VCPIP1: variants seen among roughly 807,000 people sequenced by gnomAD.
VCPIP1 encodes deubiquitinating protein VCPIP1.
In VCPIP1, 8 loss-of-function variants were observed where a neutral mutation model predicts 85.0. That is an observed-to-expected ratio of 0.09 (90% CI 0.06 to 0.17). The LOEUF (loss-of-function observed/expected upper bound fraction) is 0.17, where lower values mean the gene tolerates loss of function less well. VCPIP1 is among the 10% of genes least tolerant of loss of function. The probability of loss-of-function intolerance (pLI) is 1.00; values close to 1 mark genes in which losing one functional copy is unlikely to be tolerated. For missense variants in VCPIP1, 1,070 were observed against 1,486.3 expected (o/e 0.72, Z 4.61); for synonymous variants, 543 against 544.5 (o/e 1.00, Z 0.04).
intron 2 of VCPIP1, among the ~76,000 whole-genome samples, chr8:66,642,172 T>G (rs1810954514): frequency 6.6e-6 from 1 of 152,222 alleles, no homozygotes; most frequent in Non-Finnish European, 1.5e-5. Flanking sequence ...TTCTTTTGAT[T>G]TGCATTCCCC....
chr8:66,630,099 A>G lies in VCPIP1; in HGVS notation c.*4402T>C, dbSNP rs1404230614. Reference sequence around the variant, plus strand: ...TTCAGGGGAAAATCAGTATTAACTTATAGTTTTATTATTGATATAAAAGAA... The same window carrying G: ...TTCAGGGGAAAATCAGTATTAACTTGTAGTTTTATTATTGATATAAAAGAA... On this transcript the variant is annotated 3_prime_UTR_variant, in exon 3 of 3. Coordinates refer to ENST00000310421, the MANE Select transcript of VCPIP1 (RefSeq NM_025054.5). 6.6e-6 allele frequency: 1 copy of G among 152,200 alleles called. No individual in the cohort carries two copies. Among genetic ancestry groups the G allele is most frequent in the Non-Finnish European group, 1.5e-5 (1 of 68,030 alleles). 9.4% of individuals were successfully genotyped at this position (152,200 alleles called of 1,614,324 possible).
Position 66,666,511 on chromosome 8 carries a change from G to C in VCPIP1, c.448C>G (p.Arg150Gly). ...DKQTGRAKLL[R>G]DMNQGELFDC... Reference sequence around the variant, plus strand: ...AACAGTTCGCCCTGGTTCATGTCCCGGAGAAGCTTGGCCCGGCCTGTCTGT... The same window carrying C: ...AACAGTTCGCCCTGGTTCATGTCCCCGAGAAGCTTGGCCCGGCCTGTCTGT... Residue 150 changes from arginine (R) to glycine (G), a missense_variant, in exon 1 of 3, where the codon CGG becomes GGG. Arg to Gly is a moderately radical substitution (Grantham distance 125, BLOSUM62 -2). Around this residue, in one of 8 missense-constraint regions of VCPIP1, gnomAD observed 118 missense variants for 337.1 expected, o/e 0.35. Transcript: ENST00000310421. This position sits in a 1 kb window ranked among gnomAD's most constrained non-coding sequence, Gnocchi z 6.3. The C allele has an allele frequency of 6.2e-7, 1 of 1,614,180 alleles. No homozygotes were observed. The highest frequency in any genetic ancestry group is 8.5e-7 in the Non-Finnish European group (1 of 1,180,036).
intron 2 of VCPIP1, among the ~76,000 whole-genome samples, chr8:66,636,455 G>A (rs1210012780): frequency 6.6e-6 from 1 of 151,782 alleles, no homozygotes; most frequent in Non-Finnish European, 1.5e-5. Context: ...TTAAAATTTA[G>A]ATAAATAGGC....
chr8:66,644,766 T>C (rs985560998), intron 2 of VCPIP1, among the ~76,000 whole-genome samples: 5 of 149,500 alleles, frequency 3.3e-5, no homozygotes, highest in Non-Finnish European at 1.5e-5. Flanking sequence ...AGGTCACACA[T>C]GGGGTACAAG....
In VCPIP1 at chr8:66,629,586, G is replaced by A. The variant is rs2956249; in HGVS notation, c.*4915C>T. 6.6e-6 allele frequency: 1 copy of A among 152,174 alleles called. No individual in the cohort carries two copies. The highest frequency in any genetic ancestry group is 1.5e-5 in the Non-Finnish European group (1 of 68,050). 9.4% of individuals were successfully genotyped at this position (152,174 alleles called of 1,614,324 possible). A position where few individuals can be genotyped will look rare whatever the true frequency, so the allele number is the denominator to read the frequency against. The stretch of plus-strand genomic sequence containing the variant: ...TTGCTGGCAGGGTGCGGTGGCTCAC[G>A]CCTGTAATCCCAGCACTTAAAGAGG... On this transcript the variant is annotated 3_prime_UTR_variant, in exon 3 of 3. Coordinates refer to ENST00000310421, the MANE Select transcript of VCPIP1 (RefSeq NM_025054.5).
chr8:66,655,948 T>A (rs1444855399), intron 1 of VCPIP1, among the ~76,000 whole-genome samples: 1 of 152,146 alleles, frequency 6.6e-6, no homozygotes, highest in Non-Finnish European at 1.5e-5. Context: ...TCCCCCCTCA[T>A]AACCTTCAAT....
At chr8:66,642,371 C>T (rs975039605) in intron 2 of VCPIP1, among the ~76,000 whole-genome samples, 1 of 152,160 alleles carries the variant, frequency 6.6e-6, no homozygotes, top group African/African-American at 2.4e-5. Context: ...AATTTTCTCC[C>T]ATTCTGTGGT....
intron 2 of VCPIP1, among the ~76,000 whole-genome samples, chr8:66,651,185 CAA>C (rs896750189): frequency 0.028 from 1,444 of 51,110 alleles, 13 homozygotes; most frequent in Non-Finnish European, 0.05. Context: ...AATTCCATCT[CAA>C]AAAAAAAAAA....
intron 1 of VCPIP1, among the ~76,000 whole-genome samples, chr8:66,654,082 A>G (rs1811077277): frequency 1.3e-5 from 2 of 152,254 alleles, no homozygotes; most frequent in Admixed American, 1.3e-4. Context: ...GAGAGCTTAA[A>G]TAACTCTTCC....
chr8:66,659,956 T>C (rs1329813623), intron 1 of VCPIP1, among the ~76,000 whole-genome samples: 2 of 152,168 alleles, frequency 1.3e-5, no homozygotes, highest in Non-Finnish European at 2.9e-5. Flanking sequence ...TCCCCATGTA[T>C]ATATTTGATT....
At chr8:66,645,759 C>CAA (rs1179669993) in intron 2 of VCPIP1, among the ~76,000 whole-genome samples, 705 of 57,394 alleles carry the variant, frequency 0.012, 23 homozygotes, top group African/African-American at 0.022. Flanking sequence ...CCTGTCTCTA[C>CAA]AAAAAAAAAA....
intron 1 of VCPIP1, among the ~76,000 whole-genome samples, chr8:66,659,366 G>A (rs989457497): frequency 1.3e-5 from 2 of 151,998 alleles, no homozygotes; most frequent in Non-Finnish European, 2.9e-5. Flanking sequence ...GAAGATGACT[G>A]TCTGCAAAAA....
intron 2 of VCPIP1, among the ~76,000 whole-genome samples, chr8:66,651,141 C>T (rs1397549287): frequency 6.8e-6 from 1 of 148,132 alleles, no homozygotes; most frequent in Non-Finnish European, 1.5e-5. Context: ...GCCGAGATCG[C>T]GCCATTGCAC....
intron 1 of VCPIP1, among the ~76,000 whole-genome samples, chr8:66,651,916 A>G (rs1487479671): frequency 6.6e-6 from 1 of 151,842 alleles, no homozygotes; most frequent in Admixed American, 6.6e-5. Flanking sequence ...ATGGTGGCTC[A>G]TGCCTGTAAC....
At position 66,656,217 on chromosome 8, in the gene VCPIP1, T is replaced by C. The variant is rs560479544; in HGVS notation, c.2711-4673A>G. ...TTAGGTATTTATTTATTTTTTGAGA[T>C]AGGGTCTCGCTCTGTCACCCAGGCT... On this transcript the variant is annotated intron_variant, in intron 1 of 2. Coordinates refer to ENST00000310421, the MANE Select transcript of VCPIP1 (RefSeq NM_025054.5). Among the ~76,000 whole-genome samples the C allele has an allele frequency of 2.0e-5, 3 of 152,274 alleles. No individual in the cohort carries two copies. In the East Asian group the frequency reaches 5.8e-4, roughly 29 times the overall value.
chr8:66,650,457 G>GA (rs1389952787), intron 2 of VCPIP1, among the ~76,000 whole-genome samples: 1 of 152,000 alleles, frequency 6.6e-6, no homozygotes, highest in Non-Finnish European at 1.5e-5. Context: ...TAAAATCTTT[G>GA]AAAAAAATGT....
rs535363621 is a variant in VCPIP1 at position 66,630,485 on chromosome 8, G to C, written c.*4016C>G. The C allele has an allele frequency of 7.1e-4, 109 of 152,640 alleles. No homozygotes were observed. The highest frequency in any genetic ancestry group is 2.6e-3 in the African/African-American group (108 of 41,510). 9.5% of individuals were successfully genotyped at this position (152,640 alleles called of 1,614,324 possible). On this transcript the variant is annotated 3_prime_UTR_variant, in exon 3 of 3. Transcript: ENST00000310421. ...CAGGCATAATAAGGGCTCAGGACGA[G>C]ATTTCTGCATTCTAAAGAAAAGTAG...
chr8:66,638,970 C>CTCTCTCTCTCTCTCTATATATATATA, intron 2 of VCPIP1, among the ~76,000 whole-genome samples: 1 of 118,436 alleles, frequency 8.4e-6, no homozygotes, highest in African/African-American at 3.9e-5. Flanking sequence ...CTCTCTCTCT[C>CTCTCTCTCTCTCTCTATATATATATA]TATATATATA....
intron 1 of VCPIP1, among the ~76,000 whole-genome samples, chr8:66,658,577 C>T (rs1479935337): frequency 6.6e-6 from 1 of 151,920 alleles, no homozygotes; most frequent in South Asian, 2.1e-4. Context: ...CAACCTCCGC[C>T]TCCTGGGTTC....
Sources: gnomAD v4.1 joint callset for allele counts (sites outside exome capture counted in the v4.1 genomes callset) on GRCh38, gnomAD v4.1.1 for gene constraint, gnomAD v4.1.1 regional missense constraint, Gnocchi (gnomAD v3.1) non-coding constraint, MANE v1.5 for transcripts, NCBI Gene and HGNC (gene_info 2026-07-23, HGNC 2026-07-21) for gene names.